The following SYNE2 variants were observed in gnomAD, a reference collection of about 807,000 sequenced individuals.
SYNE2 encodes the protein spectrin repeat containing nuclear envelope protein 2.
In SYNE2, 431 loss-of-function variants were observed where a neutral mutation model predicts 856.3. The observed-to-expected ratio is 0.50, with a 90% CI of 0.47 to 0.55. The LOEUF (loss-of-function observed/expected upper bound fraction) is 0.55, where lower values mean the gene tolerates loss of function less well. SYNE2 is among the 20% of genes least tolerant of loss of function. The pLI is 0.00. For synonymous variants in SYNE2, 2,923 were observed against 2,872.3 expected (o/e 1.02, Z -0.56); for missense variants, 8,129 against 8,023.2 (o/e 1.01, Z -0.50).
chr14:63,970,801 C>T (rs867421072), intron 11 of SYNE2, among the ~76,000 whole-genome samples: 2 of 151,318 alleles, frequency 1.3e-5, no homozygotes, highest in African/African-American at 2.4e-5. Flanking sequence ...TATAGGCATC[C>T]GCCACCATGC....
intron 99 of SYNE2, among the ~76,000 whole-genome samples, chr14:64,201,574 G>T (rs1407887593): frequency 6.6e-6 from 1 of 152,184 alleles, no homozygotes; most frequent in Non-Finnish European, 1.5e-5. Context: ...TTTCAGGGTA[G>T]GGCAGGGACT....
rs116256614 is a variant in SYNE2 at position 63,912,162 on chromosome 14, G to A, written c.79+2935G>A. ...CATACCTATAAGATGAAGGCTTTAC[G>A]GCGAAATGAATAGATTTCCCAAAGT... On this transcript the variant is annotated intron_variant, in intron 2 of 115. Coordinates refer to ENST00000555002, the MANE Select transcript of SYNE2 (RefSeq NM_182914.3). Among the ~76,000 whole-genome samples the A allele has an allele frequency of 5.8e-3, 879 of 152,138 alleles. 15 individuals are homozygous for A. The highest frequency in any genetic ancestry group is 0.021 in the African/African-American group (853 of 41,490).
At chr14:63,947,007 G>T (rs2096044044) in intron 6 of SYNE2, among the ~76,000 whole-genome samples, 1 of 152,056 alleles carries the variant, frequency 6.6e-6, no homozygotes. Flanking sequence ...ACACCACCAT[G>T]TCTAGCTAAT....
chr14:64,050,032 G>A (rs1268505442), intron 47 of SYNE2, among the ~76,000 whole-genome samples, 156 bp downstream of exon 47: 1 of 152,164 alleles, frequency 6.6e-6, no homozygotes, highest in Non-Finnish European at 1.5e-5. Context: ...TGCTGTCTTT[G>A]TTTGGGCTGC....
Position 64,016,583 on chromosome 14 carries a change from G to A in SYNE2, c.4839G>A (p.Glu1613=), listed in dbSNP as rs751067571. 6 of 1,602,562 alleles carry A rather than the reference G, an allele frequency of 3.7e-6. No individual in the cohort carries two copies. Among genetic ancestry groups the A allele is most frequent in the African/African-American group, 2.7e-5 (2 of 74,680 alleles). Residue 1613 remains glutamate, a synonymous_variant, in exon 33 of 116, where the codon GAG becomes GAA. Transcript: ENST00000555002. Reference sequence around the variant, plus strand: ...TAAATAAAATGAAAACTTTTGAAGAGCCCCCTTTTGAAAAAGAGGCTAATA... The same window carrying A: ...TAAATAAAATGAAAACTTTTGAAGAACCCCCTTTTGAAAAAGAGGCTAATA... ...FYLNKMKTFE[E]PPFEKEANII...
intron 9 of SYNE2, among the ~76,000 whole-genome samples, chr14:63,962,159 G>T (rs569068236): frequency 6.8e-4 from 104 of 152,078 alleles, no homozygotes; most frequent in Admixed American, 1.8e-3. Flanking sequence ...CCGTTCAAGT[G>T]ATTCTCGTGC....
intron 1 of SYNE2, among the ~76,000 whole-genome samples, chr14:63,765,848 A>T (rs1488271388): frequency 6.6e-6 from 1 of 152,116 alleles, no homozygotes; most frequent in Non-Finnish European, 1.5e-5. Context: ...TAAAAAAATT[A>T]TATCTGCCCT....
intron 51 of SYNE2, among the ~76,000 whole-genome samples, chr14:64,069,411 G>A (rs1208941113): frequency 6.6e-6 from 1 of 152,136 alleles, no homozygotes; most frequent in Non-Finnish European, 1.5e-5. Flanking sequence ...CGCACACCTA[G>A]GTCTCTTGGA....
intron 49 of SYNE2, among the ~76,000 whole-genome samples, chr14:64,060,654 G>A (rs1257590384): frequency 6.6e-6 from 1 of 152,100 alleles, no homozygotes; most frequent in Non-Finnish European, 1.5e-5. Flanking sequence ...CTTGGCTGGT[G>A]TCTCACTTGG....
Position 64,141,926 on chromosome 14 carries a change from C to T in SYNE2, c.15160-16C>T, listed in dbSNP as rs372745495. On this transcript the variant is annotated splice_polypyrimidine_tract_variant and intron_variant, in intron 81 of 115. Transcript: ENST00000555002. ...TAACTGCAGGCAATTAAATGGAAAT[C>T]ATTTTGTTCTTACAGCTTCAAATGG... is the stretch of plus-strand genomic sequence containing the variant. The T allele has an allele frequency of 2.5e-6, 4 of 1,613,230 alleles. No individual in the cohort carries two copies. The East Asian group carries it at 8.9e-5, about 36-fold the overall frequency.
intron 99 of SYNE2, among the ~76,000 whole-genome samples, chr14:64,196,601 G>A (rs1241621918): frequency 1.3e-5 from 2 of 152,118 alleles, no homozygotes; most frequent in Non-Finnish European, 2.9e-5. Context: ...TGGACTCAGG[G>A]GCTTCAGATT....
Position 64,053,065 on chromosome 14 carries a change from T to C in SYNE2, c.9152T>C (p.Leu3051Ser). The C allele has an allele frequency of 6.2e-7, 1 of 1,614,120 alleles. No individual in the cohort carries two copies. The highest frequency in any genetic ancestry group is 8.5e-7 in the Non-Finnish European group (1 of 1,180,018). The change falls in exon 48 of 116, where the codon TTA (leucine) becomes TCA (serine). Residue 3051 changes from leucine to serine, a missense_variant. Around this residue, in one of 3 missense-constraint regions of SYNE2, gnomAD observed 5,410 missense variants for 5,284.8 expected, o/e 1.02. Coordinates refer to ENST00000555002, the MANE Select transcript of SYNE2 (RefSeq NM_182914.3). ...FEEEHGKYQALLSKMRAIDLQ... is the reference protein window; with the variant it reads ...FEEEHGKYQASLSKMRAIDLQ... ...GAAGAACATGGCAAATATCAGGCAT[T>C]ATTAAGTAAAATGAGAGCTATTGAT...
intron 1 of SYNE2, among the ~76,000 whole-genome samples, chr14:63,846,802 G>A (rs927322014): frequency 5.3e-5 from 8 of 151,738 alleles, no homozygotes; most frequent in South Asian, 4.2e-4. Flanking sequence ...TCACCATGTT[G>A]GCTAGGCTGG....
In SYNE2 at chr14:64,190,172, G is replaced by A. The variant is rs146253751; in HGVS notation, c.17973G>A (p.Glu5991=). The A allele has an allele frequency of 9.5e-5, 153 of 1,613,978 alleles. No homozygotes were observed. Among genetic ancestry groups the A allele is most frequent in the Non-Finnish European group, 1.1e-4 (135 of 1,180,032 alleles). The part of the protein sequence containing the change: ...IKASNKSRAA[E]IDDKLNKIND... ...CCAGCAACAAATCAAGAGCAGCTGAGATCGATGACAAGCTCAACAAAATTA... is the reference window on the plus strand; with the variant it reads ...CCAGCAACAAATCAAGAGCAGCTGAAATCGATGACAAGCTCAACAAAATTA... The change falls in exon 99 of 116, where the codon GAG becomes GAA. Residue 5991 remains glutamate, a synonymous_variant. Transcript: ENST00000555002.
At chr14:64,007,279 C>G in intron 31 of SYNE2, 57 bp downstream of exon 31, 1 of 1,520,634 alleles carries the variant, frequency 6.6e-7, no homozygotes, top group Non-Finnish European at 9.1e-7. Context: ...GCACAATTAA[C>G]TTTTTCAAAC....
At chr14:64,219,056 C>A in intron 109 of SYNE2, 152 bp from the exon 110 acceptor site, 1 of 701,718 alleles carries the variant, frequency 1.4e-6, no homozygotes. Flanking sequence ...GAAGAGAGAA[C>A]TCCCAAAACC....
At chr14:63,765,579 G>A (rs907782558) in intron 1 of SYNE2, among the ~76,000 whole-genome samples, 26 of 152,108 alleles carry the variant, frequency 1.7e-4, no homozygotes, top group East Asian at 5.8e-4. Flanking sequence ...GGATGGTCTC[G>A]ATCTCCTGAC....
Position 64,030,052 on chromosome 14 carries a change from A to C in SYNE2, c.6872A>C (p.Lys2291Thr). 1 of 1,614,082 alleles carries C rather than the reference A, an allele frequency of 6.2e-7. No individual in the cohort carries two copies. The highest frequency in any genetic ancestry group is 8.5e-7 in the Non-Finnish European group (1 of 1,179,960). ...DQIAVEEKLQ[K>T]LQELENRLSL... ...ATAGCGGTTGAGGAAAAATTGCAGA[A>C]ACTGCAGGTACTAAACGGTGTCCAG... Residue 2291 changes from lysine (K) to threonine (T), a missense_variant, in exon 44 of 116, where the codon AAA (lysine) becomes ACA (threonine). Lys to Thr is a moderately conservative substitution (Grantham distance 78). This residue lies in a region of SYNE2 where 297 missense variants were observed against 380.9 expected (regional missense o/e 0.78). Transcript: ENST00000555002.
chr14:64,000,457 A>T, intron 27 of SYNE2, 105 bp from the exon 28 acceptor site: 1 of 1,049,978 alleles, frequency 9.5e-7, no homozygotes, highest in Non-Finnish European at 1.5e-6. Flanking sequence ...CATATGAAAC[A>T]TTGTGTTTGC....
Sources: gnomAD v4.1 joint callset for allele counts (sites outside exome capture counted in the v4.1 genomes callset) on GRCh38, gnomAD v4.1.1 for gene constraint, gnomAD v4.1.1 regional missense constraint, MANE v1.5 for transcripts, NCBI Gene and HGNC (gene_info 2026-07-23, HGNC 2026-07-21) for gene names.